PRKD1: variants seen among roughly 807,000 people sequenced by gnomAD.
PRKD1 encodes serine/threonine-protein kinase D1.
In PRKD1, 63 loss-of-function variants were observed where a neutral mutation model predicts 95.9. That is an observed-to-expected ratio of 0.66 (90% CI 0.54 to 0.81). PRKD1 has a LOEUF of 0.81. Among genes scored for constraint, PRKD1 ranks in the 30% least tolerant of loss-of-function variants. The probability of loss-of-function intolerance (pLI) is 0.00; values close to 1 mark genes in which losing one functional copy is unlikely to be tolerated. For missense variants in PRKD1, 1,048 were observed against 1,165.3 expected, an observed-to-expected ratio of 0.90 and a Z score of 1.47; for synonymous variants, 425 against 423.1, an observed-to-expected ratio of 1.00 and a Z score of -0.05.
intron 1 of PRKD1, among the ~76,000 whole-genome samples, chr14:29,784,929 T>C (rs372091800): frequency 2.0e-4 from 31 of 152,336 alleles, no homozygotes; most frequent in East Asian, 1.9e-3. Context: ...TTAGGGCAGC[T>C]TCAACCAGCT....
At chr14:29,908,140 C>CAAAA (rs200786245) in intron 1 of PRKD1, among the ~76,000 whole-genome samples, 1 of 65,220 alleles carries the variant, frequency 1.5e-5, no homozygotes. Context: ...AAAGACAAAG[C>CAAAA]AAAAAAAAAA....
intron 3 of PRKD1, among the ~76,000 whole-genome samples, chr14:29,665,007 C>A (rs1882405091): frequency 1.3e-5 from 2 of 152,020 alleles, no homozygotes; most frequent in South Asian, 4.2e-4. Context: ...ATATTGAGCA[C>A]CATATAGGGG....
intron 12 of PRKD1, 27 bp downstream of exon 12, chr14:29,626,457 A>C (rs1879626939): frequency 6.3e-7 from 1 of 1,575,936 alleles, no homozygotes. Context: ...TTTTAAGTTC[A>C]TAAAAATACT....
At chr14:29,845,943 G>C (rs1892062020) in intron 1 of PRKD1, among the ~76,000 whole-genome samples, 1 of 152,072 alleles carries the variant, frequency 6.6e-6, no homozygotes, top group Non-Finnish European at 1.5e-5. Context: ...TTTAATAACA[G>C]CTCAGGAGTT....
intron 13 of PRKD1, among the ~76,000 whole-genome samples, chr14:29,622,464 C>T (rs1253158052): frequency 6.7e-6 from 1 of 150,228 alleles, no homozygotes; most frequent in Non-Finnish European, 1.5e-5. Context: ...AGGGCAATGG[C>T]ACGATCTTGG....
At chr14:29,631,277 GA>G (rs1331901566) in intron 9 of PRKD1, among the ~76,000 whole-genome samples, 1 of 152,126 alleles carries the variant, frequency 6.6e-6, no homozygotes, top group African/African-American at 2.4e-5. Context: ...GTATGGTTAG[GA>G]AAAATGATTT....
At chr14:29,670,653 TGA>T (rs1460090060) in intron 2 of PRKD1, among the ~76,000 whole-genome samples, 1 of 152,046 alleles carries the variant, frequency 6.6e-6, no homozygotes, top group East Asian at 1.9e-4. Context: ...CCCAGGTGTG[TGA>T]GTGTTTGTAA....
intron 1 of PRKD1, among the ~76,000 whole-genome samples, chr14:29,917,621 A>G (rs1192877103): frequency 6.6e-6 from 1 of 152,172 alleles, no homozygotes; most frequent in African/African-American, 2.4e-5. Context: ...TTTTTATTCT[A>G]TTGTTTACGA....
At chr14:29,918,894 A>G (rs1894985046) in intron 1 of PRKD1, among the ~76,000 whole-genome samples, 1 of 152,200 alleles carries the variant, frequency 6.6e-6, no homozygotes, top group Admixed American at 6.5e-5. Flanking sequence ...AAATCAAACT[A>G]ATTATCAACA....
At chr14:29,670,558 C>T (rs1882781975) in intron 2 of PRKD1, among the ~76,000 whole-genome samples, 1 of 152,074 alleles carries the variant, frequency 6.6e-6, no homozygotes, top group Non-Finnish European at 1.5e-5. Flanking sequence ...GGTGCACTGT[C>T]AGGGAAATCA....
chr14:29,773,631 C>T (rs1888608438), intron 1 of PRKD1, among the ~76,000 whole-genome samples: 2 of 152,082 alleles, frequency 1.3e-5, no homozygotes, highest in South Asian at 4.1e-4. Flanking sequence ...AATATATAAT[C>T]TCATACAATC....
rs8010772 is a variant in PRKD1, at chr14:29,577,610, G to A, written c.2521-154C>T. Among the ~76,000 whole-genome samples, 18 of 151,990 alleles carry A rather than the reference G, an allele frequency of 1.2e-4. No individual in the cohort carries two copies. The East Asian group carries it at 2.7e-3, about 23-fold the overall frequency. Reference sequence around the variant, plus strand: ...TCACGCATCCTCAAGTGACAGTGTCGGCACCAAAGCCATCCTATTTGTCTA... The same window carrying A: ...TCACGCATCCTCAAGTGACAGTGTCAGCACCAAAGCCATCCTATTTGTCTA... On this transcript the variant is annotated intron_variant, in intron 17 of 17. Transcript: ENST00000331968.
chr14:29,746,655 G>C (rs144559193), intron 1 of PRKD1, among the ~76,000 whole-genome samples: 2,599 of 152,200 alleles, frequency 0.017, 94 homozygotes, highest in Admixed American at 0.085. Context: ...AGAGCAGACA[G>C]TCAATAAACA....
At chr14:29,907,873 G>A (rs918304136) in intron 1 of PRKD1, among the ~76,000 whole-genome samples, 6 of 152,122 alleles carry the variant, frequency 3.9e-5, no homozygotes, top group African/African-American at 9.7e-5. Context: ...CATGTATAGA[G>A]ATGTATATTT....
At chr14:29,668,528 G>A (rs372414095) in intron 2 of PRKD1, among the ~76,000 whole-genome samples, 2 of 152,254 alleles carry the variant, frequency 1.3e-5, no homozygotes, top group South Asian at 2.1e-4. Flanking sequence ...AAAATGACAT[G>A]CTTTTCTTAG....
At chr14:29,885,566 A>G (rs867729874) in intron 1 of PRKD1, among the ~76,000 whole-genome samples, 1 of 152,144 alleles carries the variant, frequency 6.6e-6, no homozygotes, top group Non-Finnish European at 1.5e-5. Flanking sequence ...TTAAAAAAAA[A>G]CTAAAACAAA....
At chr14:29,785,906 C>T (rs1889254976) in intron 1 of PRKD1, among the ~76,000 whole-genome samples, 1 of 150,702 alleles carries the variant, frequency 6.6e-6, no homozygotes, top group Non-Finnish European at 1.5e-5. Context: ...AGTGGGCATC[C>T]TTATCTTGTT....
chr14:29,603,322 ATACT>A (rs947436579), intron 13 of PRKD1, among the ~76,000 whole-genome samples: 6 of 152,312 alleles, frequency 3.9e-5, no homozygotes, highest in Admixed American at 2.6e-4. Context: ...GCCATCATAG[ATACT>A]TACTTAGGAA....
intron 16 of PRKD1, among the ~76,000 whole-genome samples, chr14:29,583,951 AAAAAAAGTCAG>A (rs1435263782): frequency 6.6e-6 from 1 of 152,178 alleles, no homozygotes; most frequent in African/African-American, 2.4e-5. Flanking sequence ...GTTTAGAGAC[AAAAAAAGTCAG>A]GAAAGCAAAG....
Sources: allele counts gnomAD v4.1 joint callset (sites outside exome capture counted in the v4.1 genomes callset), GRCh38; gene constraint gnomAD v4.1.1; transcripts MANE v1.5; gene names NCBI Gene and HGNC (gene_info 2026-07-23, HGNC 2026-07-21).